Variants in NRG1 observed in about 807,000 individuals in gnomAD.
NRG1 encodes the protein neuregulin 1.
Under a neutral mutation model 63.8 loss-of-function variants are expected in NRG1, and 18 were observed. The ratio of observed to expected loss-of-function variants is 0.28; its 90% confidence interval spans 0.19 to 0.42. The LOEUF (loss-of-function observed/expected upper bound fraction) is 0.42, where lower values mean the gene tolerates loss of function less well. Ranked by LOEUF, NRG1 falls within the 10% of genes least tolerant of loss-of-function variation. The pLI, the probability that NRG1 is intolerant of heterozygous loss-of-function variation, is 1.00. For synonymous variants in NRG1, 302 were observed against 301.3 expected (o/e 1.00, Z -0.02); for missense variants, 762 against 814.7 (o/e 0.94, Z 0.79).
At chr8:32,302,979 C>T (rs917122064) in intron 1 of NRG1, among the ~76,000 whole-genome samples, 31 of 151,664 alleles carry the variant, frequency 2.0e-4, no homozygotes, top group African/African-American at 7.0e-4. Context: ...GTCAGGAGTT[C>T]GAGACCAGCC....
chr8:32,044,930 A>AAAAAAAAAC (rs1554610208), intron 1 of NRG1, among the ~76,000 whole-genome samples: 11 of 137,110 alleles, frequency 8.0e-5, no homozygotes, highest in African/African-American at 2.5e-4. Context: ...AAAAAAAAAA[A>AAAAAAAAAC]ACACACACAC....
intron 1 of NRG1, among the ~76,000 whole-genome samples, chr8:32,024,101 T>G (rs1323571905): frequency 6.6e-6 from 1 of 152,194 alleles, no homozygotes; most frequent in Non-Finnish European, 1.5e-5. Flanking sequence ...CTGCCTAAAC[T>G]GTAGTTTCCA....
intron 1 of NRG1, among the ~76,000 whole-genome samples, chr8:32,518,652 T>G (rs992112507): frequency 6.6e-6 from 1 of 152,192 alleles, no homozygotes; most frequent in Non-Finnish European, 1.5e-5. Flanking sequence ...TTCCCAGTGC[T>G]TATTACCATA....
chr8:31,958,936 G>A (rs1022301572), intron 1 of NRG1, among the ~76,000 whole-genome samples: 2 of 152,130 alleles, frequency 1.3e-5, no homozygotes, highest in African/African-American at 4.8e-5. Context: ...GGGACAACAG[G>A]ATTTCAAGTC....
chr8:32,693,245 G>A (rs1812299433), intron 5 of NRG1, among the ~76,000 whole-genome samples: 1 of 146,792 alleles, frequency 6.8e-6, no homozygotes, highest in Non-Finnish European at 1.5e-5. Flanking sequence ...TTGAGACAGA[G>A]TCTCGCTCTG....
intron 1 of NRG1, among the ~76,000 whole-genome samples, chr8:31,946,451 G>A (rs1292231008): frequency 6.6e-6 from 1 of 152,164 alleles, no homozygotes; most frequent in Non-Finnish European, 1.5e-5. Flanking sequence ...TATCCAAAAA[G>A]ATAGAAAGAA....
At chr8:32,062,189 G>C (rs549495592) in intron 1 of NRG1, among the ~76,000 whole-genome samples, 1 of 152,126 alleles carries the variant, frequency 6.6e-6, no homozygotes, top group East Asian at 1.9e-4. Flanking sequence ...TCATGCATCT[G>C]TCATAGAATT....
intron 1 of NRG1, among the ~76,000 whole-genome samples, chr8:32,357,978 G>A (rs1030796739): frequency 6.6e-6 from 1 of 152,080 alleles, no homozygotes; most frequent in Non-Finnish European, 1.5e-5. Flanking sequence ...TTAAAATACC[G>A]AATCTCCCAG....
At chr8:32,035,299 A>C (rs1201143513) in intron 1 of NRG1, among the ~76,000 whole-genome samples, 2 of 152,092 alleles carry the variant, frequency 1.3e-5, no homozygotes, top group South Asian at 4.1e-4. Context: ...GCTGTGGTCT[A>C]AGAGACTGTT....
chr8:31,800,862 A>G (rs1410762997), intron 1 of NRG1, among the ~76,000 whole-genome samples: 3 of 95,140 alleles, frequency 3.2e-5, no homozygotes, highest in South Asian at 3.4e-4. Context: ...TTTTTTTGAG[A>G]TGGAGTCTCG....
intron 1 of NRG1, among the ~76,000 whole-genome samples, chr8:32,509,081 TA>T: frequency 3.5e-5 from 1 of 28,648 alleles, no homozygotes. Context: ...TTTCCTATTT[TA>T]TTTTATTTTA....
At chr8:32,763,479 A>C (rs909677493) in intron 11 of NRG1, 3 of 1,204,580 alleles carry the variant, frequency 2.5e-6, no homozygotes, top group Non-Finnish European at 3.5e-6. Context: ...CATTATTTAT[A>C]ATTGTGATGA....
At chr8:32,015,755 A>G (rs527720772) in intron 1 of NRG1, among the ~76,000 whole-genome samples, 20 of 152,124 alleles carry the variant, frequency 1.3e-4, no homozygotes, top group African/African-American at 4.3e-4. Context: ...TCTAGTTTTC[A>G]TGTAAGTCCT....
intron 1 of NRG1, among the ~76,000 whole-genome samples, chr8:32,058,211 T>C: frequency 6.6e-6 from 1 of 152,010 alleles, no homozygotes; most frequent in East Asian, 1.9e-4. Context: ...TGAAATTTTA[T>C]AGGGAAAGAA....
chr8:32,119,941 T>C (rs976807019), intron 1 of NRG1, among the ~76,000 whole-genome samples: 3 of 152,126 alleles, frequency 2.0e-5, no homozygotes, highest in Admixed American at 1.3e-4. Context: ...CATGATGTCA[T>C]GGATAACAAG....
At chr8:31,813,591 G>A (rs1213727160) in intron 1 of NRG1, among the ~76,000 whole-genome samples, 1 of 144,380 alleles carries the variant, frequency 6.9e-6, no homozygotes, top group African/African-American at 2.6e-5. Context: ...GCACAATCAT[G>A]GCTTACTGCA....
chr8:31,869,405 C>T (rs1829282665), intron 1 of NRG1, among the ~76,000 whole-genome samples: 1 of 152,170 alleles, frequency 6.6e-6, no homozygotes, highest in Non-Finnish European at 1.5e-5. Context: ...TTTCTAGGTT[C>T]AGAGTCATCT....
chr8:31,900,040 A>G (rs561791063), intron 1 of NRG1, among the ~76,000 whole-genome samples: 1 of 152,212 alleles, frequency 6.6e-6, no homozygotes, highest in East Asian at 1.9e-4. Flanking sequence ...TTTCAGATGC[A>G]TGAAACAAGT....
At position 32,478,264 on chromosome 8, in the gene NRG1, T is replaced by TGG. The variant is rs33917513; in HGVS notation, c.38-117558_38-117557dup. Among the ~76,000 whole-genome samples, 114 of 152,014 alleles carry TGG rather than the reference T, an allele frequency of 7.5e-4. 1 individual carries two copies. In the East Asian group the frequency reaches 0.011, roughly 15 times the overall value. ...ATTTGCCCAGTGGGCTTCTTCCATG[T>TGG]GGGGGGGCCTTTTTGCAGCCTGGGG... On this transcript the variant is annotated intron_variant, in intron 1 of 10. Transcript: ENST00000519301.
Sources: gnomAD v4.1 joint callset for allele counts (sites outside exome capture counted in the v4.1 genomes callset) on GRCh38, gnomAD v4.1.1 for gene constraint, MANE v1.5 for transcripts, NCBI Gene and HGNC (gene_info 2026-07-23, HGNC 2026-07-21) for gene names.